EML4: variants seen among roughly 807,000 people sequenced by gnomAD.
EML4 encodes the protein echinoderm microtubule-associated protein-like 4.
Under a neutral mutation model 129.0 loss-of-function variants are expected in EML4, and 72 were observed. That is an observed-to-expected ratio of 0.56 (90% CI 0.46 to 0.68). The LOEUF (loss-of-function observed/expected upper bound fraction) is 0.68. Ranked by LOEUF, EML4 falls within the 30% of genes least tolerant of loss-of-function variation. The pLI is 0.00. For missense variants in EML4, 1,363 were observed against 1,190.6 expected, an observed-to-expected ratio of 1.14 and a Z score of -2.13; for synonymous variants, 532 against 405.0, an observed-to-expected ratio of 1.31 and a Z score of -3.77.
intron 2 of EML4, among the ~76,000 whole-genome samples, chr2:42,252,104 C>T (rs1184548944): frequency 1.3e-5 from 2 of 152,124 alleles, no homozygotes; most frequent in Non-Finnish European, 2.9e-5. Context: ...TAATATGTAC[C>T]GGAGTAGCAA....
chr2:42,169,659 G>T (rs1670138538), intron 1 of EML4, 23 bp downstream of exon 1: 1 of 1,599,454 alleles, frequency 6.3e-7, no homozygotes, highest in African/African-American at 1.4e-5. Context: ...GGGGAGTCCT[G>T]CGTCTTCTGC....
At chr2:42,326,859 G>A (rs537420686) in intron 21 of EML4, among the ~76,000 whole-genome samples, 1 of 152,320 alleles carries the variant, frequency 6.6e-6, no homozygotes, top group East Asian at 1.9e-4. Flanking sequence ...TCCAGCCTGG[G>A]TGACAGAGTG....
rs56808218 is a variant in EML4, at chr2:42,245,094, C to CTTTTTTTTTTTT, written c.26-404_26-393dup. On this transcript the variant is annotated intron_variant, in intron 1 of 22. Coordinates refer to ENST00000318522, the MANE Select transcript of EML4 (RefSeq NM_019063.5). Reference sequence around the variant, plus strand: ...AGTTTTTTGTTTTGAAATTTTCTTTCTTTTTTTTTTTTTTTTTTGAGACAG... The same window carrying CTTTTTTTTTTTT: ...AGTTTTTTGTTTTGAAATTTTCTTTCTTTTTTTTTTTTTTTTTTTTTTTTTTTTTTGAGACAG... Among the ~76,000 whole-genome samples, 582 of 66,494 alleles carry CTTTTTTTTTTTT rather than the reference C, an allele frequency of 8.8e-3. 121 individuals are homozygous for CTTTTTTTTTTTT. The highest frequency in any genetic ancestry group is 0.019 in the African/African-American group (300 of 15,464). The allele number at this position is 66,494 out of a possible 152,430, so 43.6% of individuals were successfully genotyped here.
At chr2:42,234,686 G>A (rs1422620203) in intron 1 of EML4, among the ~76,000 whole-genome samples, 2 of 152,208 alleles carry the variant, frequency 1.3e-5, no homozygotes, top group Non-Finnish European at 2.9e-5. Context: ...TGAGAGGACA[G>A]GGTGGGTTTT....
Position 42,309,310 on chromosome 2 carries a change from G to A in EML4, c.1967+4759G>A, listed in dbSNP as rs531418386. Among the ~76,000 whole-genome samples the A allele has an allele frequency of 3.3e-5, 5 of 151,850 alleles. No individual in the cohort carries two copies. In the South Asian group the frequency reaches 6.2e-4, roughly 19 times the overall value. ...TGTGGTCCCAGCTACTCAGGAGCCT[G>A]AGGTGGGAGGATAATTTGAATCTGG... On this transcript the variant is annotated intron_variant, in intron 17 of 22. Coordinates refer to ENST00000318522, the MANE Select transcript of EML4 (RefSeq NM_019063.5).
At chr2:42,282,313 A>G (rs1204734019) in intron 7 of EML4, among the ~76,000 whole-genome samples, 1 of 151,820 alleles carries the variant, frequency 6.6e-6, no homozygotes, top group Non-Finnish European at 1.5e-5. Context: ...GTAAATGAGG[A>G]AACTAAGATC....
chr2:42,185,824 C>G (rs993287348), intron 1 of EML4, among the ~76,000 whole-genome samples: 1 of 152,068 alleles, frequency 6.6e-6, no homozygotes, highest in Non-Finnish European at 1.5e-5. Flanking sequence ...ATAGGAATAT[C>G]AGTGTGGAGT....
At chr2:42,237,590 G>A (rs916841084) in intron 1 of EML4, among the ~76,000 whole-genome samples, 4 of 152,082 alleles carry the variant, frequency 2.6e-5, no homozygotes, top group Admixed American at 2.0e-4. Flanking sequence ...AAAAATCCAC[G>A]TATACTTTTG....
intron 1 of EML4, chr2:42,169,941 C>T: frequency 2.9e-6 from 1 of 340,000 alleles, no homozygotes; most frequent in Non-Finnish European, 5.4e-6. Context: ...CACACCCCTC[C>T]CCGTACACTC....
At chr2:42,273,393 A>G (rs1666481286) in intron 6 of EML4, among the ~76,000 whole-genome samples, 2 of 152,222 alleles carry the variant, frequency 1.3e-5, no homozygotes, top group East Asian at 3.8e-4. Context: ...TGATATTTTC[A>G]AGTAATTTTA....
chr2:42,169,979 G>C (rs1322034623), intron 1 of EML4: 1 of 254,544 alleles, frequency 3.9e-6, no homozygotes, highest in Non-Finnish European at 7.6e-6. Context: ...CCCCCCTTCA[G>C]AGTTGGGACA....
intron 6 of EML4, among the ~76,000 whole-genome samples, chr2:42,279,394 A>G (rs1285558049): frequency 6.6e-6 from 1 of 150,454 alleles, no homozygotes; most frequent in African/African-American, 2.4e-5. Context: ...CGACTATACC[A>G]TTTTGCATTC....
chr2:42,220,700 G>C (rs1351170470), intron 1 of EML4, among the ~76,000 whole-genome samples: 2 of 152,146 alleles, frequency 1.3e-5, no homozygotes. Context: ...GATGAAGAAG[G>C]CATGTCAAAA....
At chr2:42,215,458 G>T (rs183024294) in intron 1 of EML4, among the ~76,000 whole-genome samples, 63 of 151,900 alleles carry the variant, frequency 4.1e-4, no homozygotes, top group Non-Finnish European at 5.0e-4. Flanking sequence ...AGCTTCCAGG[G>T]TACTCTGCAA....
chr2:42,252,615 C>A (rs1675852634), intron 2 of EML4, among the ~76,000 whole-genome samples: 1 of 152,166 alleles, frequency 6.6e-6, no homozygotes, highest in Non-Finnish European at 1.5e-5. Flanking sequence ...GTTCTACGTG[C>A]TGGCCACATC....
At chr2:42,224,900 T>G (rs1238439668) in intron 1 of EML4, among the ~76,000 whole-genome samples, 1 of 152,108 alleles carries the variant, frequency 6.6e-6, no homozygotes, top group African/African-American at 2.4e-5. Flanking sequence ...ATCATATTAG[T>G]AACTCCTCAT....
intron 17 of EML4, among the ~76,000 whole-genome samples, chr2:42,305,261 A>T (rs1668528221): frequency 6.6e-6 from 1 of 152,182 alleles, no homozygotes; most frequent in African/African-American, 2.4e-5. Flanking sequence ...AATAATAAAC[A>T]TTATCACGAA....
chr2:42,254,765 C>T (rs1396892021), intron 2 of EML4, among the ~76,000 whole-genome samples: 1 of 152,060 alleles, frequency 6.6e-6, no homozygotes. Flanking sequence ...ACAACCGTGA[C>T]TCAGCAGTTC....
chr2:42,259,722 C>CTTT (rs780243101), intron 3 of EML4, among the ~76,000 whole-genome samples: 1,183 of 98,276 alleles, frequency 0.012, 53 homozygotes, highest in African/African-American at 0.043. Flanking sequence ...TTCTTTCTTT[C>CTTT]TTTTTTTTTT....
Sources: gnomAD v4.1 joint callset for allele counts (sites outside exome capture counted in the v4.1 genomes callset) on GRCh38, gnomAD v4.1.1 for gene constraint, MANE v1.5 for transcripts, NCBI Gene and HGNC (gene_info 2026-07-23, HGNC 2026-07-21) for gene names.